The following C8orf34 variants were observed in gnomAD, a reference collection of about 807,000 sequenced individuals.
C8orf34 encodes the protein chromosome 8 open reading frame 34.
In C8orf34, 65 loss-of-function variants were observed where a neutral mutation model predicts 68.3. That is an observed-to-expected ratio of 0.95 (90% CI 0.78 to 1.17). The LOEUF (loss-of-function observed/expected upper bound fraction) is 1.17. Ranked by LOEUF, C8orf34 falls within the 50% of genes most tolerant of loss-of-function variation. C8orf34 has a pLI of 0.00. For synonymous variants in C8orf34, 244 were observed against 241.2 expected, an observed-to-expected ratio of 1.01 and a Z score of -0.11; for missense variants, 664 against 655.4, an observed-to-expected ratio of 1.01 and a Z score of -0.14.
rs1323258196 is a variant in C8orf34, at chr8:68,742,085, C to T, written c.1404+20648C>T. 2.0e-5 allele frequency among the ~76,000 whole-genome samples: 3 copies of T among 152,278 alleles called. No homozygotes were observed. In the East Asian group the frequency reaches 5.8e-4, roughly 29 times the overall value. On this transcript the variant is annotated intron_variant, in intron 10 of 13. Transcript: ENST00000518698. ...GTTTTATTCTTCTTCTGGACTTGAA[C>T]TCCAGCGTGTCAGTGGTAATACCCT...
chr8:68,469,284 A>C (rs1812279099), intron 4 of C8orf34, among the ~76,000 whole-genome samples: 1 of 151,850 alleles, frequency 6.6e-6, no homozygotes, highest in African/African-American at 2.4e-5. Flanking sequence ...TATTTTTTTT[A>C]ATGAAAGCAA....
chr8:68,775,179 C>T (rs1230866326), intron 10 of C8orf34, among the ~76,000 whole-genome samples: 2 of 151,880 alleles, frequency 1.3e-5, no homozygotes, highest in South Asian at 2.1e-4. Flanking sequence ...CCTCAGTTTC[C>T]CCAAGTATTA....
chr8:68,741,937 TTGACA>T (rs1822307040), intron 10 of C8orf34, among the ~76,000 whole-genome samples: 1 of 152,188 alleles, frequency 6.6e-6, no homozygotes, highest in Non-Finnish European at 1.5e-5. Context: ...ACTGAGAATT[TTGACA>T]TGACATAACC....
chr8:68,534,369 G>A, intron 7 of C8orf34: 1 of 970,686 alleles, frequency 1.0e-6, no homozygotes, highest in African/African-American at 1.8e-5. Flanking sequence ...CATTTACTGA[G>A]CACTTACTCT....
chr8:68,614,524 C>G (rs1818132965), intron 7 of C8orf34, among the ~76,000 whole-genome samples: 1 of 152,278 alleles, frequency 6.6e-6, no homozygotes, highest in South Asian at 2.1e-4. Flanking sequence ...CCAGTTTTCC[C>G]AGCACATTTA....
At chr8:68,689,286 A>C (rs1004074776) in intron 8 of C8orf34, among the ~76,000 whole-genome samples, 4 of 152,056 alleles carry the variant, frequency 2.6e-5, no homozygotes, top group Non-Finnish European at 5.9e-5. Flanking sequence ...GAAGGATAAA[A>C]GACAACATAT....
intron 12 of C8orf34, 89 bp downstream of exon 12, chr8:68,787,625 C>A: frequency 2.4e-6 from 2 of 834,204 alleles, no homozygotes; most frequent in Non-Finnish European, 3.6e-6. Context: ...CAATAAACAA[C>A]TTCTGTAAAA....
chr8:68,631,615 T>C (rs1416480406), intron 7 of C8orf34, among the ~76,000 whole-genome samples: 1 of 152,234 alleles, frequency 6.6e-6, no homozygotes, highest in Non-Finnish European at 1.5e-5. Flanking sequence ...TGTTTGGCTC[T>C]GTGTCCCCAC....
At chr8:68,395,944 A>G (rs1208587516) in intron 1 of C8orf34, among the ~76,000 whole-genome samples, 1 of 152,120 alleles carries the variant, frequency 6.6e-6, no homozygotes, top group Non-Finnish European at 1.5e-5. Flanking sequence ...GGCACTTTAC[A>G]TGTGATAAAA....
At chr8:68,555,264 C>T (rs1291660275) in intron 7 of C8orf34, among the ~76,000 whole-genome samples, 1 of 152,076 alleles carries the variant, frequency 6.6e-6, no homozygotes, top group South Asian at 2.1e-4. Flanking sequence ...CTCTTAGTTT[C>T]CTCATCTGCA....
chr8:68,420,219 G>T (rs1809900576), intron 1 of C8orf34, among the ~76,000 whole-genome samples: 1 of 150,856 alleles, frequency 6.6e-6, no homozygotes, highest in Non-Finnish European at 1.5e-5. Flanking sequence ...GCAACAGTTG[G>T]AGACTAGGGA....
intron 7 of C8orf34, among the ~76,000 whole-genome samples, chr8:68,567,731 A>G (rs1422643110): frequency 7.1e-6 from 1 of 140,068 alleles, no homozygotes; most frequent in Non-Finnish European, 1.6e-5. Flanking sequence ...AGTCTTTTGT[A>G]TTTTTTTTTT....
At chr8:68,738,752 G>A (rs189683632) in intron 10 of C8orf34, among the ~76,000 whole-genome samples, 3 of 152,158 alleles carry the variant, frequency 2.0e-5, no homozygotes, top group Non-Finnish European at 4.4e-5. Context: ...TTGAATCTCT[G>A]TATAGACCAA....
At chr8:68,775,417 G>A (rs1287122993) in intron 10 of C8orf34, among the ~76,000 whole-genome samples, 2 of 152,134 alleles carry the variant, frequency 1.3e-5, no homozygotes, top group East Asian at 3.8e-4. Flanking sequence ...GCACCAAGTT[G>A]TTTGACAATT....
chr8:68,521,657 A>G, intron 5 of C8orf34, 142 bp from the exon 6 acceptor site: 1 of 645,954 alleles, frequency 1.5e-6, no homozygotes, highest in Non-Finnish European at 2.6e-6. Context: ...TATCTAGTAG[A>G]GTTGGAGGAA....
chr8:68,542,945 T>C (rs1002842337), intron 7 of C8orf34, among the ~76,000 whole-genome samples: 1 of 152,146 alleles, frequency 6.6e-6, no homozygotes, highest in Admixed American at 6.6e-5. Context: ...CATCATACTA[T>C]ACATATTTAA....
In C8orf34 at chr8:68,774,944, T is replaced by TAAAAAAAAAAAAAAAAAAAAAAAAAAA. The variant is rs1224756627; in HGVS notation, c.1405-1432_1405-1431insAAAAAAAAAAAAAAAAAAAAAAAAAAA. ...CAACATGATGAAACCCTGTCTCCAC[T>TAAAAAAAAAAAAAAAAAAAAAAAAAAA]AAAAAAAAAAAAAAAAAAAAAAATT... is the stretch of plus-strand genomic sequence containing the variant. On this transcript the variant is annotated intron_variant, in intron 10 of 13. Transcript: ENST00000518698. Among the ~76,000 whole-genome samples, 46 of 44,664 alleles carry TAAAAAAAAAAAAAAAAAAAAAAAAAAA rather than the reference T, an allele frequency of 1.0e-3. 5 individuals are homozygous for TAAAAAAAAAAAAAAAAAAAAAAAAAAA. The highest frequency in any genetic ancestry group is 1.2e-3 in the East Asian group (2 of 1,732). 29.3% of individuals were successfully genotyped at this position (44,664 alleles called of 152,430 possible).
intron 4 of C8orf34, among the ~76,000 whole-genome samples, chr8:68,486,438 T>C (rs1813083322): frequency 6.6e-6 from 1 of 152,136 alleles, no homozygotes; most frequent in African/African-American, 2.4e-5. Flanking sequence ...GTAGTTAGAC[T>C]CTCTTTTGAT....
chr8:68,439,765 C>A, intron 2 of C8orf34, 119 bp downstream of exon 2: 1 of 904,858 alleles, frequency 1.1e-6, no homozygotes, highest in Non-Finnish European at 1.6e-6. Context: ...TTCATGTGTT[C>A]ATCTCTGACC....
Sources: gnomAD v4.1 joint callset for allele counts (sites outside exome capture counted in the v4.1 genomes callset) on GRCh38, gnomAD v4.1.1 for gene constraint, MANE v1.5 for transcripts, NCBI Gene and HGNC (gene_info 2026-07-23, HGNC 2026-07-21) for gene names.